Variants in BANK1 observed in about 807,000 individuals in gnomAD.
The protein encoded by BANK1 is B cell scaffold protein with ankyrin repeats 1.
A neutral mutation model predicts 94.5 loss-of-function variants in BANK1; 95 were observed. The ratio of observed to expected loss-of-function variants is 1.00; its 90% CI spans 0.85 to 1.19. The LOEUF is 1.19. Ranked by LOEUF, BANK1 falls within the 50% of genes most tolerant of loss-of-function variation. The probability of loss-of-function intolerance (pLI) is 0.00; values close to 1 mark genes in which losing one functional copy is unlikely to be tolerated. For synonymous variants in BANK1, 334 were observed against 308.4 expected, an observed-to-expected ratio of 1.08 and a Z score of -0.87; for missense variants, 987 against 932.2, an observed-to-expected ratio of 1.06 and a Z score of -0.77.
At chr4:101,963,772 C>A (rs927918048) in intron 7 of BANK1, among the ~76,000 whole-genome samples, 23 of 152,144 alleles carry the variant, frequency 1.5e-4, no homozygotes, top group South Asian at 1.0e-3. Flanking sequence ...TTACCCGAGG[C>A]CTTTTCTCGC....
At chr4:101,806,150 G>A (rs1056589872) in intron 1 of BANK1, among the ~76,000 whole-genome samples, 1 of 151,456 alleles carries the variant, frequency 6.6e-6, no homozygotes, top group Non-Finnish European at 1.5e-5. Context: ...CAAAAAACTG[G>A]AAAAAACTGT....
chr4:101,830,459 G>A (rs933099002), intron 2 of BANK1, among the ~76,000 whole-genome samples: 2 of 152,040 alleles, frequency 1.3e-5, no homozygotes, highest in Admixed American at 1.3e-4. Context: ...GGGCAGCCTG[G>A]ATGAGATCAT....
chr4:101,845,840 AT>A (rs1560598671), intron 2 of BANK1, among the ~76,000 whole-genome samples: 2 of 152,154 alleles, frequency 1.3e-5, no homozygotes, highest in Non-Finnish European at 2.9e-5. Context: ...TTTACTAGAG[AT>A]TTGGGCCATA....
chr4:101,827,132 T>A (rs757170292), intron 1 of BANK1, among the ~76,000 whole-genome samples: 3 of 151,806 alleles, frequency 2.0e-5, no homozygotes, highest in South Asian at 2.1e-4. Flanking sequence ...ATAAGCAATA[T>A]GGAAGAGTGA....
Position 101,815,099 on chromosome 4 carries a change from G to A in BANK1, c.71-14709G>A, listed in dbSNP as rs144449387. Among the ~76,000 whole-genome samples the A allele has an allele frequency of 8.7e-3, 1,330 of 152,150 alleles. 21 individuals are homozygous for A. Among genetic ancestry groups the A allele is most frequent in the African/African-American group, 0.03 (1,241 of 41,502 alleles). On this transcript the variant is annotated intron_variant, in intron 1 of 16. Transcript: ENST00000322953. ...TTGTTACTGATGAAGTTGATAATTG[G>A]CTCAAATGGCTTATATCTGTGAGAA...
chr4:101,922,017 TGTG>T (rs1316767329), intron 7 of BANK1, among the ~76,000 whole-genome samples: 1 of 146,752 alleles, frequency 6.8e-6, no homozygotes, highest in Admixed American at 6.8e-5. Flanking sequence ...CCCGTGTGTG[TGTG>T]TGTGTGTGTG....
intron 13 of BANK1, 46 bp downstream of exon 13, chr4:102,063,184 T>C: frequency 1.3e-6 from 2 of 1,545,212 alleles, no homozygotes; most frequent in South Asian, 1.1e-5. Context: ...AGTGATTACG[T>C]TGAAAATTCA....
chr4:101,809,576 G>C lies in BANK1; in HGVS notation c.70+18626G>C, dbSNP rs76415487. 5.3e-3 allele frequency among the ~76,000 whole-genome samples: 803 copies of C among 152,108 alleles called. 13 individuals are homozygous for C. In the East Asian group the frequency reaches 0.063, roughly 12 times the overall value. The stretch of plus-strand genomic sequence containing the variant: ...ATAAAGAGTACTTTAAAAATGGAAA[G>C]ATAATAATTTGCATTTCCCTAATGC... On this transcript the variant is annotated intron_variant, in intron 1 of 16. Transcript: ENST00000322953.
At chr4:102,002,759 A>G (rs941674952) in intron 7 of BANK1, among the ~76,000 whole-genome samples, 1 of 152,180 alleles carries the variant, frequency 6.6e-6, no homozygotes, top group Non-Finnish European at 1.5e-5. Context: ...TATTCAGATC[A>G]TCTGTCAGGA....
At chr4:101,844,467 C>T (rs531859581) in intron 2 of BANK1, among the ~76,000 whole-genome samples, 1 of 152,160 alleles carries the variant, frequency 6.6e-6, no homozygotes, top group South Asian at 2.1e-4. Flanking sequence ...ACAAGCAAGT[C>T]TGCTGACAAG....
In BANK1 at chr4:101,866,173, A is replaced by G. The variant is rs187585356; in HGVS notation, c.763+3509A>G. On this transcript the variant is annotated intron_variant, in intron 4 of 16. Transcript: ENST00000322953. ...TAAACTTTGAGAAAGAATCAACAGG[A>G]AATTCTAGAAATCAAAACCACCGTA... 1.9e-3 allele frequency among the ~76,000 whole-genome samples: 292 copies of G among 152,310 alleles called. 1 individual carries two copies. The highest frequency in any genetic ancestry group is 7.0e-3 in the African/African-American group (289 of 41,580).
chr4:101,905,949 A>AT (rs149324859), intron 6 of BANK1, among the ~76,000 whole-genome samples: 7 of 152,042 alleles, frequency 4.6e-5, no homozygotes, highest in African/African-American at 1.2e-4. Flanking sequence ...ACTTGAAGTG[A>AT]TTTTTTCCCA....
At chr4:101,902,324 G>A (rs553470306) in intron 6 of BANK1, among the ~76,000 whole-genome samples, 131 of 152,258 alleles carry the variant, frequency 8.6e-4, no homozygotes, top group Admixed American at 8.0e-3. Flanking sequence ...AATATAATGG[G>A]TAATGTTTAG....
chr4:101,978,100 A>T (rs1725197533), intron 7 of BANK1, among the ~76,000 whole-genome samples: 1 of 151,836 alleles, frequency 6.6e-6, no homozygotes, highest in Non-Finnish European at 1.5e-5. Context: ...TGTAGCTGGG[A>T]GTATTTTCCA....
chr4:101,879,300 A>C (rs992290963), intron 5 of BANK1, among the ~76,000 whole-genome samples: 21 of 152,234 alleles, frequency 1.4e-4, no homozygotes, highest in African/African-American at 5.1e-4. Flanking sequence ...AATCCAAAGG[A>C]TCGTTAGTGG....
chr4:101,819,088 A>G (rs1726034606), intron 1 of BANK1, among the ~76,000 whole-genome samples: 1 of 152,084 alleles, frequency 6.6e-6, no homozygotes, highest in African/African-American at 2.4e-5. Context: ...TATCATATAT[A>G]TACTCAAGGC....
intron 14 of BANK1, 144 bp from the exon 15 acceptor site, chr4:102,072,201 C>A: frequency 2.9e-6 from 2 of 679,364 alleles, no homozygotes; most frequent in Non-Finnish European, 5.0e-6. Context: ...GGTGCCTTTT[C>A]GGTATCCCCC....
At chr4:101,852,564 T>A (rs1727530156) in intron 2 of BANK1, among the ~76,000 whole-genome samples, 1 of 147,414 alleles carries the variant, frequency 6.8e-6, no homozygotes, top group African/African-American at 2.5e-5. Context: ...TCCTACCACA[T>A]AGCTCTGTAT....
intron 7 of BANK1, among the ~76,000 whole-genome samples, chr4:101,987,704 C>T (rs1270031168): frequency 6.6e-6 from 1 of 152,116 alleles, no homozygotes; most frequent in Non-Finnish European, 1.5e-5. Context: ...GAGCAGAAAT[C>T]TTATTCTACC....
Sources: allele counts gnomAD v4.1 joint callset (sites outside exome capture counted in the v4.1 genomes callset), GRCh38; gene constraint gnomAD v4.1.1; transcripts MANE v1.5; gene names NCBI Gene and HGNC (gene_info 2026-07-23, HGNC 2026-07-21).